The following TNRC18 variants were observed in gnomAD, a reference collection of about 807,000 sequenced individuals.
TNRC18 encodes trinucleotide repeat containing 18.
In TNRC18, 69 loss-of-function variants were observed where a neutral mutation model predicts 226.7. The observed-to-expected ratio is 0.30, with a 90% CI of 0.25 to 0.37. The LOEUF is 0.37. Ranked by LOEUF, TNRC18 falls within the 10% of genes least tolerant of loss-of-function variation. The pLI, the probability that TNRC18 is intolerant of heterozygous loss-of-function variation, is 1.00. For missense variants in TNRC18, 4,754 were observed against 4,256.6 expected (o/e 1.12, Z -3.25); for synonymous variants, 2,449 against 1,927.6 (o/e 1.27, Z -7.09).
chr7:5,337,858 C>T (rs113693442), intron 18 of TNRC18, among the ~76,000 whole-genome samples: 2,165 of 152,082 alleles, frequency 0.014, 48 homozygotes, highest in African/African-American at 0.049. Context: ...TGGGAGGTGC[C>T]TGTAATCCTA....
chr7:5,314,700 G>A (rs1471855117), intron 26 of TNRC18, among the ~76,000 whole-genome samples: 4 of 149,756 alleles, frequency 2.7e-5, no homozygotes, highest in Admixed American at 2.0e-4. Context: ...AGCCTCCCAC[G>A]TAGTTGGGAT....
chr7:5,413,641 C>T (rs552436013), intron 2 of TNRC18, among the ~76,000 whole-genome samples: 174 of 152,330 alleles, frequency 1.1e-3, no homozygotes, highest in Non-Finnish European at 1.7e-3. Flanking sequence ...GCAATCCTCC[C>T]ATCTCAGACT....
intron 27 of TNRC18, among the ~76,000 whole-genome samples, chr7:5,311,242 A>C (rs1787178138): frequency 6.6e-6 from 1 of 152,120 alleles, no homozygotes; most frequent in South Asian, 2.1e-4. Context: ...ACTGTGTGCA[A>C]GTGTGTGTGC....
Position 5,388,109 on chromosome 7 carries a change from A to G in TNRC18, c.1715T>C (p.Met572Thr), listed in dbSNP as rs1386584958. 2.6e-6 allele frequency: 4 copies of G among 1,553,820 alleles called. No homozygotes were observed. Among genetic ancestry groups the G allele is most frequent in the South Asian group, 1.2e-5 (1 of 84,662 alleles). Residue 572 changes from methionine to threonine, a missense_variant, in exon 5 of 30, where the codon ATG becomes ACG. Met to Thr is a moderately conservative substitution (Grantham distance 81, BLOSUM62 -1). Transcript: ENST00000430969. Reference sequence around the variant, plus strand: ...TCCAGACCCGTGGGCCGCAGAGTGCATGTCAGCGACCGGCCGGCCGCAGGT... The same window carrying G: ...TCCAGACCCGTGGGCCGCAGAGTGCGTGTCAGCGACCGGCCGGCCGCAGGT... The part of the protein sequence containing the change: ...AATCGRPVAD[M>T]HSAAHGSGEA...
chr7:5,409,735 G>C (rs1455966955), intron 2 of TNRC18, among the ~76,000 whole-genome samples: 3 of 150,568 alleles, frequency 2.0e-5, no homozygotes, highest in Non-Finnish European at 3.0e-5. Flanking sequence ...CCCAGACTTT[G>C]GGAGGCCGAG....
chr7:5,324,082 A>C lies in TNRC18; in HGVS notation c.6442+132T>G. On this transcript the variant is annotated intron_variant, in intron 21 of 29. Transcript: ENST00000430969. The surrounding 1 kb of genome is among the most constrained non-coding windows in gnomAD (Gnocchi z 4.8). Reference sequence around the variant, plus strand: ...TCATCGACCCGGATAACTCAGCCTCAGGATCTCTGCTCCTGTGGTTCCCTG... The same window carrying C: ...TCATCGACCCGGATAACTCAGCCTCCGGATCTCTGCTCCTGTGGTTCCCTG... 9.7e-7 allele frequency: 1 copy of C among 1,035,616 alleles called. No homozygotes were observed. The highest frequency in any genetic ancestry group is 1.4e-6 in the Non-Finnish European group (1 of 729,416). 64.2% of individuals were successfully genotyped at this position (1,035,616 alleles called of 1,614,324 possible).
chr7:5,385,494 CAA>C (rs60919833), intron 5 of TNRC18, among the ~76,000 whole-genome samples: 1 of 88,096 alleles, frequency 1.1e-5, no homozygotes, highest in African/African-American at 3.6e-5. Context: ...GACTCCGTCT[CAA>C]AAAAAAAAAA....
rs1477381819 is a variant in TNRC18, at chr7:5,376,355, G to A, written c.2609-131C>T. ...GGAGCTGGGCTCTCTGCGGGCCCCCGGCTGCTCCCCAGGGGCCAGGAAGTT... is the reference window on the plus strand; with the variant it reads ...GGAGCTGGGCTCTCTGCGGGCCCCCAGCTGCTCCCCAGGGGCCAGGAAGTT... On this transcript the variant is annotated intron_variant, in intron 8 of 29. Coordinates refer to ENST00000430969, the MANE Select transcript of TNRC18 (RefSeq NM_001080495.3). The A allele has an allele frequency of 1.1e-4, 90 of 843,188 alleles. 1 individual carries two copies. The highest frequency in any genetic ancestry group is 6.3e-4 in the South Asian group (33 of 52,054). The allele number at this position is 843,188 out of a possible 1,614,324, so 52.2% of individuals were successfully genotyped here. A position where few individuals can be genotyped will look rare whatever the true frequency, so the allele number is the denominator to read the frequency against.
At chr7:5,315,181 C>G in intron 25 of TNRC18, 33 bp from the exon 26 acceptor site, 1 of 1,594,028 alleles carries the variant, frequency 6.3e-7, no homozygotes, top group Non-Finnish European at 8.5e-7. Context: ...GCTCATCAGG[C>G]CTGGGGTCCC....
At chr7:5,319,570 G>A (rs1038881775) in intron 24 of TNRC18, among the ~76,000 whole-genome samples, 1 of 152,102 alleles carries the variant, frequency 6.6e-6, no homozygotes, top group Non-Finnish European at 1.5e-5. Context: ...GTGCAGTGGT[G>A]CAATCCTGGC....
At position 5,377,559 on chromosome 7, in the gene TNRC18, G is replaced by C. The variant is rs1779079160; in HGVS notation, c.2273C>G (p.Ala758Gly). 1 of 1,583,890 alleles carries C rather than the reference G, an allele frequency of 6.3e-7. No individual in the cohort carries two copies. The highest frequency in any genetic ancestry group is 8.6e-7 in the Non-Finnish European group (1 of 1,165,420). ...EKLLRESKEL[A>G]DLARLHPTSC... Reference sequence around the variant, plus strand: ...GGTAGGGTGCAGGCGGGCCAGGTCAGCCAGCTCCTTACTCTCTCTGGAAGG... The same window carrying C: ...GGTAGGGTGCAGGCGGGCCAGGTCACCCAGCTCCTTACTCTCTCTGGAAGG... Residue 758 changes from alanine (A) to glycine (G), a missense_variant, in exon 7 of 30, where the codon GCT becomes GGT. Ala to Gly is a moderately conservative substitution (Grantham distance 60). Coordinates refer to ENST00000430969, the MANE Select transcript of TNRC18 (RefSeq NM_001080495.3). This position sits in a 1 kb window ranked among gnomAD's most constrained non-coding sequence, Gnocchi z 5.8.
chr7:5,410,728 T>C (rs900555069), intron 2 of TNRC18, among the ~76,000 whole-genome samples: 4 of 150,642 alleles, frequency 2.7e-5, no homozygotes, highest in African/African-American at 7.3e-5. Context: ...TAGTCGGGTG[T>C]GGTGGCATAA....
chr7:5,397,985 A>G (rs7808896), intron 2 of TNRC18, among the ~76,000 whole-genome samples: 98,151 of 151,890 alleles, frequency 0.65, 33,420 homozygotes, highest in African/African-American at 0.87. Flanking sequence ...GGGATTACCC[A>G]ATTGCACGAG....
intron 27 of TNRC18, among the ~76,000 whole-genome samples, chr7:5,311,237 G>A (rs759374705): frequency 3.6e-4 from 55 of 152,288 alleles, no homozygotes; most frequent in South Asian, 2.3e-3. Context: ...AGTGCACTGT[G>A]TGCAAGTGTG....
Position 5,332,840 on chromosome 7 carries a change from G to C in TNRC18, c.5929C>G (p.Pro1977Ala). Reference protein sequence around the residue: ...KGRKARKLRGPKEPGFEAGPE... With the variant: ...KGRKARKLRGAKEPGFEAGPE... ...CCCGCCTCGAAGCCAGGCTCCTTGGGGCCCCGCAGCTTCCGGGCCTTGCGC... is the reference window on the plus strand; with the variant it reads ...CCCGCCTCGAAGCCAGGCTCCTTGGCGCCCCGCAGCTTCCGGGCCTTGCGC... The change falls in exon 19 of 30, where the codon CCC (proline) becomes GCC (alanine). Residue 1977 changes from proline (P) to alanine (A), a missense_variant. By Grantham distance (27) the Pro-to-Ala change is conservative. Coordinates refer to ENST00000430969, the MANE Select transcript of TNRC18 (RefSeq NM_001080495.3). The C allele has an allele frequency of 2.7e-6, 4 of 1,508,562 alleles. No homozygotes were observed. The highest frequency in any genetic ancestry group is 3.5e-6 in the Non-Finnish European group (4 of 1,137,872). The allele number at this position is 1,508,562 out of a possible 1,614,324, so 93.4% of individuals were successfully genotyped here.
intron 5 of TNRC18, among the ~76,000 whole-genome samples, chr7:5,378,420 A>AT (rs1405781937): frequency 2.7e-5 from 4 of 150,802 alleles, no homozygotes; most frequent in Non-Finnish European, 3.0e-5. Context: ...ATTTTTATTT[A>AT]TTTATTTTTT....
chr7:5,324,216 G>A lies in TNRC18; in HGVS notation c.6440C>T (p.Pro2147Leu), dbSNP rs774348177. The part of the protein sequence containing the change: ...RGGAVERPLT[P>L]APRSCIIDKD... Reference sequence around the variant, plus strand: ...CATGTGGCATCACGGCCACTCACCCGGGGTCAGCGGCCGCTCCACAGCCCC... The same window carrying A: ...CATGTGGCATCACGGCCACTCACCCAGGGTCAGCGGCCGCTCCACAGCCCC... Residue 2147 changes from proline (P) to leucine (L), a missense_variant and splice_region_variant, in exon 21 of 30, where the codon CCG (proline) becomes CTG (leucine). Pro to Leu is a moderately conservative substitution (Grantham distance 98). Coordinates refer to ENST00000430969, the MANE Select transcript of TNRC18 (RefSeq NM_001080495.3). This position sits in a 1 kb window ranked among gnomAD's most constrained non-coding sequence, Gnocchi z 4.8. 5 of 1,602,282 alleles carry A rather than the reference G, an allele frequency of 3.1e-6. No individual in the cohort carries two copies. Among genetic ancestry groups the A allele is most frequent in the South Asian group, 1.1e-5 (1 of 90,142 alleles).
chr7:5,322,468 A>G (rs368230585), intron 21 of TNRC18, among the ~76,000 whole-genome samples: 11 of 151,944 alleles, frequency 7.2e-5, no homozygotes, highest in East Asian at 3.9e-4. Context: ...CTGGCTAATT[A>G]TTTTTTGTAG....
chr7:5,325,016 G>A, intron 20 of TNRC18, 80 bp downstream of exon 20: 1 of 1,472,218 alleles, frequency 6.8e-7, no homozygotes, highest in South Asian at 1.3e-5. Flanking sequence ...ATACAGAGGA[G>A]CAGGTGGAGC....
Sources: allele counts gnomAD v4.1 joint callset (sites outside exome capture counted in the v4.1 genomes callset), GRCh38; gene constraint gnomAD v4.1.1; non-coding constraint Gnocchi (gnomAD v3.1); transcripts MANE v1.5; gene names NCBI Gene and HGNC (gene_info 2026-07-23, HGNC 2026-07-21).